KCTD17: variants seen among roughly 807,000 people sequenced by gnomAD.
KCTD17 encodes the protein BTB/POZ domain-containing protein KCTD17.
Under a neutral mutation model 41.5 loss-of-function variants are expected in KCTD17, and 20 were observed. The ratio of observed to expected loss-of-function variants is 0.48; its 90% CI spans 0.34 to 0.70. KCTD17 has a LOEUF of 0.70. Among genes scored for constraint, KCTD17 ranks in the 30% least tolerant of loss-of-function variants. The probability of loss-of-function intolerance (pLI) is 0.01; values close to 1 mark genes in which losing one functional copy is unlikely to be tolerated. For missense variants in KCTD17, 317 were observed against 427.2 expected (o/e 0.74, Z 2.27); for synonymous variants, 156 against 173.8 (o/e 0.90, Z 0.80).
In KCTD17 at chr22:37,057,267, A is replaced by G. The variant is rs1015582813; in HGVS notation, c.391-131A>G. Reference sequence around the variant, plus strand: ...CTCAGAGCATGGCTGCCTCCCCCCAACCACCTCTTCTTTCTCTCCCTCTCT... The same window carrying G: ...CTCAGAGCATGGCTGCCTCCCCCCAGCCACCTCTTCTTTCTCTCCCTCTCT... On this transcript the variant is annotated intron_variant, in intron 3 of 8. Coordinates refer to ENST00000403888, the MANE Select transcript of KCTD17 (RefSeq NM_001282684.2). 3 of 752,016 alleles carry G rather than the reference A, an allele frequency of 4.0e-6. No homozygotes were observed. The African/African-American group carries it at 5.2e-5, about 13-fold the overall frequency. 46.6% of individuals were successfully genotyped at this position (752,016 alleles called of 1,614,324 possible). A position where few individuals can be genotyped will look rare whatever the true frequency, so the allele number is the denominator to read the frequency against.
Position 37,061,417 on chromosome 22 carries a change from G to A in KCTD17, c.785-122G>A. Reference sequence around the variant, plus strand: ...CTGCCTCCCAGCCTGGGGAGGAGGGGCGCAGCTGCACCTCCTCTGTGCCCA... The same window carrying A: ...CTGCCTCCCAGCCTGGGGAGGAGGGACGCAGCTGCACCTCCTCTGTGCCCA... On this transcript the variant is annotated intron_variant, in intron 7 of 8. Coordinates refer to ENST00000403888, the MANE Select transcript of KCTD17 (RefSeq NM_001282684.2). The surrounding 1 kb of genome is among the most constrained non-coding windows in gnomAD (Gnocchi z 6.6). 6.8e-7 allele frequency: 1 copy of A among 1,477,416 alleles called. No homozygotes were observed. Among genetic ancestry groups the A allele is most frequent in the Non-Finnish European group, 9.0e-7 (1 of 1,114,398 alleles). 91.5% of individuals were successfully genotyped at this position (1,477,416 alleles called of 1,614,324 possible).
chr22:37,058,045 C>T (rs1020540788), intron 4 of KCTD17, among the ~76,000 whole-genome samples: 1 of 152,230 alleles, frequency 6.6e-6, no homozygotes, highest in African/African-American at 2.4e-5. Flanking sequence ...TGCAGTTTAC[C>T]CATCGGGAGA....
chr22:37,062,054 A>C, intron 8 of KCTD17: 1 of 982,216 alleles, frequency 1.0e-6, no homozygotes, highest in Non-Finnish European at 1.2e-6. Context: ...CAAGCCCCCT[A>C]TCCCACTCTT....
chr22:37,053,221 A>AG lies in KCTD17; in HGVS notation c.298+18dup. 1 of 1,579,856 alleles carries AG rather than the reference A, an allele frequency of 6.3e-7. No individual in the cohort carries two copies. ...ATGGCTGAGGAGGGTGAGTTGGTCC[A>AG]GGGGGCTGGCCTGGACCTTATGCAG... On this transcript the variant is annotated intron_variant, in intron 2 of 8. Coordinates refer to ENST00000403888, the MANE Select transcript of KCTD17 (RefSeq NM_001282684.2). The surrounding 1 kb of genome is among the most constrained non-coding windows in gnomAD (Gnocchi z 4.1).
intron 2 of KCTD17, among the ~76,000 whole-genome samples, chr22:37,055,576 G>A (rs371968782): frequency 1.8e-4 from 28 of 152,322 alleles, no homozygotes; most frequent in East Asian, 1.2e-3. Flanking sequence ...ACAGCTGCAA[G>A]CTCATCGCTT....
In KCTD17 at chr22:37,062,533, A is replaced by G; in HGVS notation, c.884A>G (p.Lys295Arg). Residue 295 changes from lysine to arginine, a missense_variant, in exon 9 of 9, where the codon AAG becomes AGG. Lys to Arg is a conservative substitution (Grantham distance 26, BLOSUM62 2). Transcript: ENST00000403888. ...RPQSCHPCCYKPEAPGCEAPD... is the reference protein window; with the variant it reads ...RPQSCHPCCYRPEAPGCEAPD... ...CCCTCTTTTTTTTCTAGCTGTTACA[A>G]GCCAGAGGCACCCGGATGTGAGGCC... is the stretch of plus-strand genomic sequence containing the variant. 1 of 1,612,606 alleles carries G rather than the reference A, an allele frequency of 6.2e-7. No individual in the cohort carries two copies. The highest frequency in any genetic ancestry group is 8.5e-7 in the Non-Finnish European group (1 of 1,179,588).
chr22:37,062,846 T>TC lies in KCTD17; in HGVS notation c.*256dup, dbSNP rs1370000965. ...GGCACCTGCGTCCCCTCTCCCGGGC[T>TC]CCCCTGCTGCATGGTGGATGTGCTC... is the stretch of plus-strand genomic sequence containing the variant. On this transcript the variant is annotated 3_prime_UTR_variant, in exon 9 of 9. Transcript: ENST00000403888. 1 of 716,160 alleles carries TC rather than the reference T, an allele frequency of 1.4e-6. No homozygotes were observed. Among genetic ancestry groups the TC allele is most frequent in the Non-Finnish European group, 2.2e-6 (1 of 459,992 alleles). 44.4% of individuals were successfully genotyped at this position (716,160 alleles called of 1,614,324 possible).
Position 37,056,351 on chromosome 22 carries a change from C to G in KCTD17, c.330C>G (p.Ile110Met). Residue 110 changes from isoleucine to methionine, a missense_variant, in exon 3 of 9, where the codon ATC becomes ATG. By Grantham distance (10) the Ile-to-Met change is conservative. This residue lies in a region of KCTD17 where 99 missense variants were observed against 166.5 expected (regional missense o/e 0.59). Coordinates refer to ENST00000403888, the MANE Select transcript of KCTD17 (RefSeq NM_001282684.2). ...GVLEEAEFYN[I>M]GPLIRIIKDR... ...TGGAGGAAGCCGAGTTCTACAACAT[C>G]GGCCCGCTGATCCGCATCATCAAAG... The G allele has an allele frequency of 6.2e-7, 1 of 1,613,582 alleles. No homozygotes were observed. Among genetic ancestry groups the G allele is most frequent in the Non-Finnish European group, 8.5e-7 (1 of 1,179,738 alleles).
At position 37,062,813 on chromosome 22, in the gene KCTD17, GTC is replaced by G; in HGVS notation, c.*224_*225del. The G allele has an allele frequency of 1.9e-6, 2 of 1,056,334 alleles. No individual in the cohort carries two copies. Among genetic ancestry groups the G allele is most frequent in the South Asian group, 1.8e-5 (1 of 56,180 alleles). The allele number at this position is 1,056,334 out of a possible 1,614,324, so 65.4% of individuals were successfully genotyped here. On this transcript the variant is annotated 3_prime_UTR_variant, in exon 9 of 9. Transcript: ENST00000403888. ...CAGATGTGTGGCAATGTCTGGCTGTGTCTCTCCGGCACCTGCGTCCCCTCTCC... is the reference window on the plus strand; with the variant it reads ...CAGATGTGTGGCAATGTCTGGCTGTGTCTCCGGCACCTGCGTCCCCTCTCC...
Position 37,059,384 on chromosome 22 carries a change from G to T in KCTD17, c.558G>T (p.Lys186Asn). 6.2e-7 allele frequency: 1 copy of T among 1,612,976 alleles called. No individual in the cohort carries two copies. The change falls in exon 5 of 9, where the codon AAG becomes AAT. Residue 186 changes from lysine to asparagine, a missense_variant. Physicochemically the swap from Lys to Asn is moderately conservative, Grantham distance 94. This residue lies in a region of KCTD17 where 177 missense variants were observed against 194.4 expected (regional missense o/e 0.91). Coordinates refer to ENST00000403888, the MANE Select transcript of KCTD17 (RefSeq NM_001282684.2). ...DQAEFLCVVS[K>N]ELHSTPNGLS... ...CAGAGTTCCTGTGTGTGGTGTCCAA[G>T]GAGCTCCACAGCACCCCAAACGGGC...
rs533727767 is a variant in KCTD17 at position 37,062,883 on chromosome 22, G to A, written c.*289G>A. The A allele has an allele frequency of 1.9e-5, 10 of 514,460 alleles. No individual in the cohort carries two copies. Among genetic ancestry groups the A allele is most frequent in the African/African-American group, 1.5e-4 (8 of 51,722 alleles). The allele number at this position is 514,460 out of a possible 1,614,324, so 31.9% of individuals were successfully genotyped here. ...TGGTGGATGTGCTCCTTCCTGGCCCGGTCACATTGCCTCCTTGAGCCTTAG... is the reference window on the plus strand; with the variant it reads ...TGGTGGATGTGCTCCTTCCTGGCCCAGTCACATTGCCTCCTTGAGCCTTAG... On this transcript the variant is annotated 3_prime_UTR_variant, in exon 9 of 9. Transcript: ENST00000403888.
At chr22:37,057,248 G>C (rs531917277) in intron 3 of KCTD17, 150 bp from the exon 4 acceptor site, 417 of 703,886 alleles carry the variant, frequency 5.9e-4, no homozygotes, top group Middle Eastern at 1.0e-3. Flanking sequence ...GGTGCTCAGA[G>C]CATGGCTGCC....
chr22:37,061,024 G>C lies in KCTD17; in HGVS notation c.713-80G>C, dbSNP rs1925715266. 6.5e-7 allele frequency: 1 copy of C among 1,549,106 alleles called. No homozygotes were observed. Among genetic ancestry groups the C allele is most frequent in the Non-Finnish European group, 8.7e-7 (1 of 1,145,192 alleles). On this transcript the variant is annotated intron_variant, in intron 6 of 8. Coordinates refer to ENST00000403888, the MANE Select transcript of KCTD17 (RefSeq NM_001282684.2). The surrounding 1 kb of genome is among the most constrained non-coding windows in gnomAD (Gnocchi z 6.6). ...AGAACCGGGGGCCCCGGGGCTGCTG[G>C]GGGGGCACCAGGGTTAGCTCAGCCA...
Position 37,061,275 on chromosome 22 carries a change from C to A in KCTD17, c.784+100C>A. The stretch of plus-strand genomic sequence containing the variant: ...TGTCCGGGTTTTCTCTCTGCCTGCT[C>A]ACGCCTCCATCCCGGGTCTGCCCTG... On this transcript the variant is annotated intron_variant, in intron 7 of 8. Transcript: ENST00000403888. This position sits in a 1 kb window ranked among gnomAD's most constrained non-coding sequence, Gnocchi z 6.6. The A allele has an allele frequency of 6.5e-7, 1 of 1,538,468 alleles. No homozygotes were observed. Among genetic ancestry groups the A allele is most frequent in the South Asian group, 1.2e-5 (1 of 83,550 alleles).
intron 5 of KCTD17, among the ~76,000 whole-genome samples, chr22:37,060,459 A>G (rs532421011): frequency 6.6e-6 from 1 of 151,966 alleles, no homozygotes; most frequent in African/African-American, 2.4e-5. Flanking sequence ...CCTTGGCCAC[A>G]TTTCTACTGA....
chr22:37,056,360 G>T lies in KCTD17; in HGVS notation c.339G>T (p.Leu113=). 6.2e-7 allele frequency: 1 copy of T among 1,613,752 alleles called. No homozygotes were observed. The highest frequency in any genetic ancestry group is 8.5e-7 in the Non-Finnish European group (1 of 1,179,794). Reference sequence around the variant, plus strand: ...CCGAGTTCTACAACATCGGCCCGCTGATCCGCATCATCAAAGACCGGATGG... The same window carrying T: ...CCGAGTTCTACAACATCGGCCCGCTTATCCGCATCATCAAAGACCGGATGG... ...EEAEFYNIGP[L]IRIIKDRMEE... The change falls in exon 3 of 9, where the codon CTG becomes CTT. Residue 113 remains leucine (L), a synonymous_variant. Coordinates refer to ENST00000403888, the MANE Select transcript of KCTD17 (RefSeq NM_001282684.2).
rs745801740 is a variant in KCTD17 at position 37,062,550 on chromosome 22, T to G, written c.901T>G (p.Cys301Gly). Residue 301 changes from cysteine (C) to glycine (G), a missense_variant, in exon 9 of 9, where the codon TGT becomes GGT. Transcript: ENST00000403888. ...CTGTTACAAGCCAGAGGCACCCGGATGTGAGGCCCCAGATCACCTCCAGGG... is the reference window on the plus strand; with the variant it reads ...CTGTTACAAGCCAGAGGCACCCGGAGGTGAGGCCCCAGATCACCTCCAGGG... ...PCCYKPEAPG[C>G]EAPDHLQGLG... is the part of the protein sequence containing the mutation. 6.2e-7 allele frequency: 1 copy of G among 1,613,128 alleles called. No homozygotes were observed. Among genetic ancestry groups the G allele is most frequent in the South Asian group, 1.1e-5 (1 of 91,020 alleles).
Position 37,061,627 on chromosome 22 carries a change from C to A in KCTD17, c.873C>A (p.Pro291=). 1 of 1,596,896 alleles carries A rather than the reference C, an allele frequency of 6.3e-7. No individual in the cohort carries two copies. The highest frequency in any genetic ancestry group is 8.5e-7 in the Non-Finnish European group (1 of 1,178,298). Residue 291 remains proline, a splice_region_variant and synonymous_variant, in exon 8 of 9, where the codon CCC becomes CCA. Coordinates refer to ENST00000403888, the MANE Select transcript of KCTD17 (RefSeq NM_001282684.2). The surrounding 1 kb of genome is among the most constrained non-coding windows in gnomAD (Gnocchi z 6.6). The stretch of plus-strand genomic sequence containing the variant: ...TCGCCCGCCCCCAGAGCTGCCATCC[C>A]TGGTTTGTAGCTTGGCGGTGCTGGA... ...RPLARPQSCH[P]CCYKPEAPGC...
At chr22:37,056,988 A>T (rs970239718) in intron 3 of KCTD17, among the ~76,000 whole-genome samples, 2 of 151,956 alleles carry the variant, frequency 1.3e-5, no homozygotes, top group African/African-American at 4.8e-5. Context: ...GGCCCAGGGG[A>T]TTAAAGAGGG....
Sources: gnomAD v4.1 joint callset for allele counts (sites outside exome capture counted in the v4.1 genomes callset) on GRCh38, gnomAD v4.1.1 for gene constraint, gnomAD v4.1.1 regional missense constraint, Gnocchi (gnomAD v3.1) non-coding constraint, MANE v1.5 for transcripts, NCBI Gene and HGNC (gene_info 2026-07-23, HGNC 2026-07-21) for gene names.